Variants in KLHL1 observed in about 807,000 individuals in gnomAD.
KLHL1 encodes the protein kelch-like protein 1.
KLHL1 carries 47 observed loss-of-function variants against 77.7 expected under a neutral mutation model. The observed-to-expected ratio is 0.60, with a 90% confidence interval of 0.48 to 0.77. The LOEUF (loss-of-function observed/expected upper bound fraction) is 0.77. Among genes scored for constraint, KLHL1 ranks in the 30% least tolerant of loss-of-function variants. The pLI is 0.00. For missense variants in KLHL1, 925 were observed against 910.8 expected (o/e 1.02, Z -0.20); for synonymous variants, 360 against 325.2 (o/e 1.11, Z -1.15).
chr13:70,008,793 A>G (rs1885463688), intron 1 of KLHL1, among the ~76,000 whole-genome samples: 1 of 152,170 alleles, frequency 6.6e-6, no homozygotes, highest in Non-Finnish European at 1.5e-5. Context: ...TAGCAATTTA[A>G]TTATTCACCA....
intron 4 of KLHL1, among the ~76,000 whole-genome samples, chr13:69,918,954 T>TA (rs986543564): frequency 1.3e-5 from 2 of 152,040 alleles, no homozygotes; most frequent in Non-Finnish European, 2.9e-5. Flanking sequence ...AACCTGTGGT[T>TA]AAACATACCA....
intron 4 of KLHL1, among the ~76,000 whole-genome samples, chr13:69,900,559 G>T (rs115201450): frequency 6.6e-6 from 1 of 152,128 alleles, no homozygotes; most frequent in Non-Finnish European, 1.5e-5. Flanking sequence ...AGCAAGAGAC[G>T]CCGGGTTTTA....
chr13:69,774,689 A>G (rs565104060), intron 7 of KLHL1, among the ~76,000 whole-genome samples: 1 of 152,066 alleles, frequency 6.6e-6, no homozygotes, highest in Non-Finnish European at 1.5e-5. Context: ...CACACAAGCA[A>G]GTAGAAATAG....
intron 9 of KLHL1, 53 bp downstream of exon 9, chr13:69,719,316 T>A: frequency 6.8e-7 from 1 of 1,475,362 alleles, no homozygotes; most frequent in Non-Finnish European, 9.4e-7. Flanking sequence ...GAATCAGGCA[T>A]CAATGTGATT....
chr13:70,026,234 T>C (rs1885936569), intron 1 of KLHL1, among the ~76,000 whole-genome samples: 1 of 152,088 alleles, frequency 6.6e-6, no homozygotes, highest in African/African-American at 2.4e-5. Flanking sequence ...TATTGCTTCA[T>C]CATGTTATAA....
At chr13:69,956,440 C>G (rs571714695) in intron 3 of KLHL1, among the ~76,000 whole-genome samples, 2 of 151,230 alleles carry the variant, frequency 1.3e-5, no homozygotes, top group African/African-American at 4.8e-5. Context: ...CTAAAGGGAA[C>G]CAGCATTAGA....
chr13:69,834,287 ATTAG>A (rs984407362), intron 6 of KLHL1, among the ~76,000 whole-genome samples: 3 of 150,690 alleles, frequency 2.0e-5, no homozygotes, highest in African/African-American at 7.4e-5. Context: ...TGAAATTACA[ATTAG>A]TTAAATATAT....
chr13:69,968,976 G>A (rs1023143952), intron 2 of KLHL1, among the ~76,000 whole-genome samples: 13 of 152,042 alleles, frequency 8.6e-5, no homozygotes, highest in South Asian at 2.1e-4. Context: ...TTGAATGCAC[G>A]TTTTTCCTAA....
At chr13:69,909,143 A>G (rs1485668685) in intron 4 of KLHL1, among the ~76,000 whole-genome samples, 1 of 151,002 alleles carries the variant, frequency 6.6e-6, no homozygotes, top group African/African-American at 2.4e-5. Flanking sequence ...AGGAGAACAA[A>G]TAAGTGGATG....
intron 1 of KLHL1, among the ~76,000 whole-genome samples, chr13:69,984,885 G>A (rs1010467814): frequency 7.2e-5 from 11 of 152,068 alleles, no homozygotes; most frequent in Admixed American, 3.3e-4. Context: ...AAGGTGGGCG[G>A]ATCGCATGAT....
chr13:69,707,591 T>A (rs79899610), intron 10 of KLHL1, 34 bp downstream of exon 10: 103,293 of 1,580,142 alleles, frequency 0.065, 4,355 homozygotes, highest in African/African-American at 0.2. Flanking sequence ...TAAATTCTTA[T>A]CCTTGAAGTG....
chr13:69,963,670 T>C (rs926684696), intron 2 of KLHL1, among the ~76,000 whole-genome samples: 1 of 152,158 alleles, frequency 6.6e-6, no homozygotes, highest in Admixed American at 6.6e-5. Context: ...TCTACCTTCA[T>C]GGATATTGTA....
At chr13:69,993,370 T>C (rs1162019188) in intron 1 of KLHL1, among the ~76,000 whole-genome samples, 1 of 152,046 alleles carries the variant, frequency 6.6e-6, no homozygotes, top group East Asian at 1.9e-4. Flanking sequence ...TGAAGGAGCT[T>C]CATCCCCTGT....
At chr13:69,925,189 G>A (rs556749002) in intron 4 of KLHL1, among the ~76,000 whole-genome samples, 1 of 152,206 alleles carries the variant, frequency 6.6e-6, no homozygotes, top group African/African-American at 2.4e-5. Flanking sequence ...CAGTATTATG[G>A]TTAAAACTTC....
chr13:69,786,601 C>T (rs1876562931), intron 7 of KLHL1, among the ~76,000 whole-genome samples: 1 of 152,148 alleles, frequency 6.6e-6, no homozygotes, highest in Non-Finnish European at 1.5e-5. Flanking sequence ...TGGCACAAGA[C>T]AGGGATGCCC....
intron 9 of KLHL1, among the ~76,000 whole-genome samples, chr13:69,713,743 T>A (rs940583604): frequency 6.6e-6 from 1 of 152,132 alleles, no homozygotes. Flanking sequence ...CATATAACTT[T>A]CTAAAAAACA....
intron 1 of KLHL1, among the ~76,000 whole-genome samples, chr13:70,100,824 A>G (rs921458727): frequency 2.6e-5 from 4 of 152,214 alleles, no homozygotes; most frequent in African/African-American, 9.6e-5. Context: ...TACAACTACC[A>G]CAAACATACC....
Position 69,701,661 on chromosome 13 carries a change from A to C in KLHL1, c.*41T>G, listed in dbSNP as rs757885885. On this transcript the variant is annotated 3_prime_UTR_variant, in exon 11 of 11. Transcript: ENST00000377844. ...CTTGCCATTCAATATAAAAATAACC[A>C]CTCCAGCAAGTAAAATCTTTCCAAG... 9.1e-6 allele frequency: 13 copies of C among 1,427,092 alleles called. No individual in the cohort carries two copies. The highest frequency in any genetic ancestry group is 1.3e-5 in the Non-Finnish European group (13 of 1,019,488). The allele number at this position is 1,427,092 out of a possible 1,614,324, so 88.4% of individuals were successfully genotyped here.
intron 2 of KLHL1, among the ~76,000 whole-genome samples, chr13:69,974,423 T>C (rs1243160595): frequency 1.3e-5 from 2 of 151,656 alleles, no homozygotes; most frequent in East Asian, 3.9e-4. Context: ...ATAACTAATG[T>C]ATATAAACAG....
Sources: allele counts gnomAD v4.1 joint callset (sites outside exome capture counted in the v4.1 genomes callset), GRCh38; gene constraint gnomAD v4.1.1; transcripts MANE v1.5; gene names NCBI Gene and HGNC (gene_info 2026-07-23, HGNC 2026-07-21).